The following CACNG2 variants were observed in gnomAD, a reference collection of about 807,000 sequenced individuals.
The protein encoded by CACNG2 is voltage-dependent calcium channel gamma-2 subunit.
CACNG2 carries 3 observed loss-of-function variants against 25.9 expected under a neutral mutation model. The ratio of observed to expected loss-of-function variants is 0.12; its 90% confidence interval spans 0.05 to 0.30. The LOEUF (loss-of-function observed/expected upper bound fraction) is 0.30. Ranked by LOEUF, CACNG2 falls within the 10% of genes least tolerant of loss-of-function variation. The pLI is 1.00. For missense variants in CACNG2, 341 were observed against 432.5 expected, an observed-to-expected ratio of 0.79 and a Z score of 1.88; for synonymous variants, 167 against 173.3, an observed-to-expected ratio of 0.96 and a Z score of 0.29.
intron 1 of CACNG2, among the ~76,000 whole-genome samples, chr22:36,637,612 C>T (rs764996583): frequency 7.2e-5 from 11 of 152,144 alleles, no homozygotes; most frequent in African/African-American, 2.7e-4. Flanking sequence ...CAATGACAAT[C>T]GTCCTGGGGA....
Position 36,702,438 on chromosome 22 carries a change from C to T in CACNG2, c.139G>A (p.Glu47Lys). The change falls in exon 1 of 4, where the codon GAG becomes AAG. Residue 47 changes from glutamate (E) to lysine (K), a missense_variant. Transcript: ENST00000300105. The part of the protein sequence containing the change: ...RGVCKTKSVS[E>K]NETSKKNEEV... Reference sequence around the variant, plus strand: ...TCGTTCTTTTTGCTGGTTTCATTCTCACTGACACTTTTGGTCTTGCAAACC... The same window carrying T: ...TCGTTCTTTTTGCTGGTTTCATTCTTACTGACACTTTTGGTCTTGCAAACC... The T allele has an allele frequency of 6.2e-7, 1 of 1,614,110 alleles. No homozygotes were observed. The highest frequency in any genetic ancestry group is 8.5e-7 in the Non-Finnish European group (1 of 1,179,998).
At position 36,656,550 on chromosome 22, in the gene CACNG2, C is replaced by T. The variant is rs143312003; in HGVS notation, c.211+45816G>A. ...CCTAACTGGTCTCCCTGCTTTCACC[C>T]CAGCCCCTACATTGTGTTCTCTACC... is the stretch of plus-strand genomic sequence containing the variant. On this transcript the variant is annotated intron_variant, in intron 1 of 3. Transcript: ENST00000300105. Among the ~76,000 whole-genome samples, 6 of 152,304 alleles carry T rather than the reference C, an allele frequency of 3.9e-5. No individual in the cohort carries two copies. The East Asian group carries it at 1.2e-3, about 29-fold the overall frequency.
At chr22:36,675,773 G>C (rs8135285) in intron 1 of CACNG2, among the ~76,000 whole-genome samples, 34,820 of 152,174 alleles carry the variant, frequency 0.23, 4,320 homozygotes, top group Middle Eastern at 0.32. Flanking sequence ...CTCACTTTCT[G>C]TAGGGAGGTA....
chr22:36,616,655 G>A (rs542654277), intron 1 of CACNG2, among the ~76,000 whole-genome samples: 20 of 151,412 alleles, frequency 1.3e-4, no homozygotes, highest in South Asian at 4.2e-4. Context: ...GATGCATTTC[G>A]TTCCCTATAC....
intron 1 of CACNG2, among the ~76,000 whole-genome samples, chr22:36,648,936 T>C (rs1936568687): frequency 6.6e-6 from 1 of 152,172 alleles, no homozygotes; most frequent in African/African-American, 2.4e-5. Context: ...CTTCCCTCAA[T>C]GGTCAGTGCA....
intron 1 of CACNG2, among the ~76,000 whole-genome samples, chr22:36,602,969 A>G (rs1436911718): frequency 6.6e-6 from 1 of 152,226 alleles, no homozygotes; most frequent in Non-Finnish European, 1.5e-5. Flanking sequence ...AGAGTTGAAC[A>G]TATCTCACTT....
chr22:36,603,901 A>T (rs1935793705), intron 1 of CACNG2, among the ~76,000 whole-genome samples: 1 of 152,246 alleles, frequency 6.6e-6, no homozygotes, highest in South Asian at 2.1e-4. Context: ...TTTGCAGCCC[A>T]TGGATCAAGA....
intron 1 of CACNG2, among the ~76,000 whole-genome samples, chr22:36,587,964 G>A (rs780812898): frequency 9.7e-4 from 147 of 152,308 alleles, no homozygotes; most frequent in Admixed American, 2.5e-3. Context: ...TTTCTAAAGG[G>A]GACACACCCC....
intron 1 of CACNG2, among the ~76,000 whole-genome samples, chr22:36,631,298 T>C (rs2145958322): frequency 6.6e-6 from 1 of 152,164 alleles, no homozygotes; most frequent in Non-Finnish European, 1.5e-5. Context: ...GCGAGTTCAG[T>C]TATGGACTCA....
At chr22:36,583,304 G>A (rs1216482864) in intron 2 of CACNG2, among the ~76,000 whole-genome samples, 4 of 151,968 alleles carry the variant, frequency 2.6e-5, no homozygotes, top group African/African-American at 9.7e-5. Context: ...GTGGTGGCGG[G>A]TGCCTGTAAT....
chr22:36,653,937 C>A (rs1481463809), intron 1 of CACNG2, among the ~76,000 whole-genome samples: 1 of 110,700 alleles, frequency 9.0e-6, no homozygotes. Context: ...TTTTTTTTTG[C>A]TACTCCGGTA....
chr22:36,604,206 G>C (rs958918837), intron 1 of CACNG2, among the ~76,000 whole-genome samples: 1 of 152,300 alleles, frequency 6.6e-6, no homozygotes. Context: ...AAAACAGCTA[G>C]AATTAGAAGT....
intron 1 of CACNG2, among the ~76,000 whole-genome samples, chr22:36,666,991 A>ATT (rs35100359): frequency 1.8e-4 from 24 of 134,400 alleles, no homozygotes; most frequent in African/African-American, 4.9e-4. Context: ...TGGGATCACC[A>ATT]TTTTTTTTTT....
At chr22:36,639,040 C>T (rs972204024) in intron 1 of CACNG2, among the ~76,000 whole-genome samples, 11 of 152,122 alleles carry the variant, frequency 7.2e-5, no homozygotes, top group East Asian at 3.9e-4. Context: ...ACTCAGCCGG[C>T]GGAGGGGTAG....
chr22:36,622,743 G>C (rs1484010784), intron 1 of CACNG2, among the ~76,000 whole-genome samples: 2 of 152,126 alleles, frequency 1.3e-5, no homozygotes, highest in Non-Finnish European at 2.9e-5. Flanking sequence ...CAGATCACCT[G>C]AAGTCAGGAG....
intron 1 of CACNG2, among the ~76,000 whole-genome samples, chr22:36,619,585 G>A (rs577952097): frequency 2.6e-5 from 4 of 152,254 alleles, no homozygotes; most frequent in Non-Finnish European, 4.4e-5. Flanking sequence ...AAAGACCACC[G>A]TAATGTCATT....
intron 2 of CACNG2, among the ~76,000 whole-genome samples, chr22:36,586,572 C>T (rs1342848595): frequency 1.3e-5 from 2 of 152,188 alleles, no homozygotes; most frequent in African/African-American, 4.8e-5. Context: ...CAGGGGCAAT[C>T]TATATAATAA....
At chr22:36,640,773 GA>G (rs1231390388) in intron 1 of CACNG2, among the ~76,000 whole-genome samples, 2 of 152,188 alleles carry the variant, frequency 1.3e-5, no homozygotes, top group Non-Finnish European at 2.9e-5. Context: ...CCAAGTCAAT[GA>G]AGGTCGCTCC....
intron 1 of CACNG2, among the ~76,000 whole-genome samples, chr22:36,626,356 A>G (rs1936183055): frequency 6.6e-6 from 1 of 152,236 alleles, no homozygotes; most frequent in Non-Finnish European, 1.5e-5. Flanking sequence ...GGCAAAGCAT[A>G]ACAGCATTGA....
Sources: gnomAD v4.1 joint callset for allele counts (sites outside exome capture counted in the v4.1 genomes callset) on GRCh38, gnomAD v4.1.1 for gene constraint, MANE v1.5 for transcripts, NCBI Gene and HGNC (gene_info 2026-07-23, HGNC 2026-07-21) for gene names.